The following SPECC1 variants were observed in gnomAD, a reference collection of about 807,000 sequenced individuals.
SPECC1 encodes the protein sperm antigen with calponin homology and coiled-coil domains 1.
In SPECC1, 62 loss-of-function variants were observed where a neutral mutation model predicts 104.1. The ratio of observed to expected loss-of-function variants is 0.60; its 90% CI spans 0.49 to 0.74. The LOEUF (loss-of-function observed/expected upper bound fraction) is 0.74. SPECC1 is among the 30% of genes least tolerant of loss of function. The pLI is 0.00. For synonymous variants in SPECC1, 513 were observed against 501.6 expected, an observed-to-expected ratio of 1.02 and a Z score of -0.30; for missense variants, 1,306 against 1,310.5, an observed-to-expected ratio of 1.00 and a Z score of 0.05.
chr17:20,164,249 C>T (rs922990957), intron 3 of SPECC1, among the ~76,000 whole-genome samples: 17 of 151,236 alleles, frequency 1.1e-4, no homozygotes, highest in African/African-American at 4.1e-4. Context: ...TGCTGGCCCA[C>T]TGCAGCCTTG....
At chr17:20,034,574 C>T (rs749343926) in intron 1 of SPECC1, among the ~76,000 whole-genome samples, 2 of 151,298 alleles carry the variant, frequency 1.3e-5, no homozygotes, top group Non-Finnish European at 2.9e-5. Flanking sequence ...TTCTTTACCT[C>T]GCCTTACATC....
intron 1 of SPECC1, among the ~76,000 whole-genome samples, chr17:20,018,477 A>G (rs2044236962): frequency 6.6e-6 from 1 of 152,186 alleles, no homozygotes; most frequent in Admixed American, 6.5e-5. Context: ...TGTAACTTTG[A>G]ACTTTTGGGC....
chr17:20,034,389 G>A (rs540452695), intron 1 of SPECC1, among the ~76,000 whole-genome samples: 3 of 152,072 alleles, frequency 2.0e-5, no homozygotes, highest in East Asian at 1.9e-4. Flanking sequence ...GAGCCACTGC[G>A]TCAGGTCTTT....
At position 20,240,019 on chromosome 17, in the gene SPECC1, G is replaced by A. The variant is rs868823468; in HGVS notation, c.2352-5907G>A. 2.6e-4 allele frequency among the ~76,000 whole-genome samples: 36 copies of A among 136,192 alleles called. 1 individual carries two copies. The highest frequency in any genetic ancestry group is 7.6e-4 in the Admixed American group (10 of 13,094). 89.3% of individuals were successfully genotyped at this position (136,192 alleles called of 152,430 possible). A position where few individuals can be genotyped will look rare whatever the true frequency, so the allele number is the denominator to read the frequency against. Reference sequence around the variant, plus strand: ...AGCAGTCCTCCCACCCCAGCCTCCTGAGTAGCTGGGACTACAGGGGCACAC... The same window carrying A: ...AGCAGTCCTCCCACCCCAGCCTCCTAAGTAGCTGGGACTACAGGGGCACAC... On this transcript the variant is annotated intron_variant, in intron 7 of 14. Coordinates refer to ENST00000395527, the MANE Select transcript of SPECC1 (RefSeq NM_001243439.2).
At chr17:20,051,251 C>G (rs1346316560) in intron 1 of SPECC1, among the ~76,000 whole-genome samples, 2 of 151,808 alleles carry the variant, frequency 1.3e-5, no homozygotes, top group South Asian at 4.2e-4. Flanking sequence ...TCTTGGCCCA[C>G]TGCAACCTCT....
intron 10 of SPECC1, among the ~76,000 whole-genome samples, chr17:20,255,938 C>T (rs991628628): frequency 6.6e-6 from 1 of 151,770 alleles, no homozygotes. Flanking sequence ...AGTGCAGTGG[C>T]GTGAGCTCGG....
chr17:20,160,804 C>G (rs1475666790), intron 3 of SPECC1, among the ~76,000 whole-genome samples: 2 of 152,156 alleles, frequency 1.3e-5, no homozygotes, highest in Non-Finnish European at 2.9e-5. Context: ...TCAAGCCTCT[C>G]TACTACTAAC....
At chr17:20,244,109 C>T (rs1442990631) in intron 7 of SPECC1, among the ~76,000 whole-genome samples, 2 of 152,032 alleles carry the variant, frequency 1.3e-5, no homozygotes, top group Non-Finnish European at 2.9e-5. Context: ...CCTGTAGTCC[C>T]AGCAAGCTAC....
chr17:20,136,011 TGAG>T (rs1038725886), intron 3 of SPECC1, among the ~76,000 whole-genome samples: 7 of 152,150 alleles, frequency 4.6e-5, no homozygotes, highest in African/African-American at 1.7e-4. Context: ...GAAAAATCAC[TGAG>T]AAGAAGCCAA....
chr17:20,311,311 C>T (rs1402223567), intron 14 of SPECC1, among the ~76,000 whole-genome samples: 3 of 152,104 alleles, frequency 2.0e-5, no homozygotes, highest in Admixed American at 1.3e-4. Flanking sequence ...GTCTCCCTTT[C>T]CAATCTGCGT....
chr17:20,310,014 G>T (rs1380025122), intron 14 of SPECC1, among the ~76,000 whole-genome samples: 1 of 151,556 alleles, frequency 6.6e-6, no homozygotes, highest in African/African-American at 2.4e-5. Context: ...TAGAAATGGG[G>T]TTTCATCATG....
At position 20,231,819 on chromosome 17, in the gene SPECC1, C is replaced by A; in HGVS notation, c.2133C>A (p.Thr711=). The A allele has an allele frequency of 6.2e-7, 1 of 1,614,018 alleles. No homozygotes were observed. The highest frequency in any genetic ancestry group is 1.1e-5 in the South Asian group (1 of 91,068). The change falls in exon 6 of 15, where the codon ACC becomes ACA. Residue 711 remains threonine (T), a synonymous_variant. Coordinates refer to ENST00000395527, the MANE Select transcript of SPECC1 (RefSeq NM_001243439.2). The part of the protein sequence containing the change: ...SDLERQLKTL[T]KQMKEETEEW... ...TGGAGAGGCAGCTGAAGACTCTGACCAAGCAGATGAAGGTGAGATGCGGGT... is the reference window on the plus strand; with the variant it reads ...TGGAGAGGCAGCTGAAGACTCTGACAAAGCAGATGAAGGTGAGATGCGGGT...
chr17:20,122,244 A>C (rs2049071075), intron 3 of SPECC1, among the ~76,000 whole-genome samples: 1 of 152,190 alleles, frequency 6.6e-6, no homozygotes, highest in Non-Finnish European at 1.5e-5. Context: ...CCACTGGGGA[A>C]CTTTTGCAAG....
At chr17:20,078,428 A>G (rs1433616514) in intron 1 of SPECC1, among the ~76,000 whole-genome samples, 2 of 152,140 alleles carry the variant, frequency 1.3e-5, no homozygotes, top group African/African-American at 4.8e-5. Flanking sequence ...TAAACATGCA[A>G]TGTTCAACCT....
chr17:20,096,803 G>T lies in SPECC1; in HGVS notation c.147+5G>T. 6.2e-7 allele frequency: 1 copy of T among 1,611,140 alleles called. No individual in the cohort carries two copies. The highest frequency in any genetic ancestry group is 1.1e-5 in the South Asian group (1 of 90,822). ...TTTGAGTCCCGACTCAGCAGGGTATGGATCAAAATGCACAGGGCCAGGCAG... is the reference window on the plus strand; with the variant it reads ...TTTGAGTCCCGACTCAGCAGGGTATTGATCAAAATGCACAGGGCCAGGCAG... On this transcript the variant is annotated splice_donor_5th_base_variant and intron_variant, in intron 2 of 14. Coordinates refer to ENST00000395527, the MANE Select transcript of SPECC1 (RefSeq NM_001243439.2).
intron 1 of SPECC1, chr17:20,017,613 A>G (rs1180368534): frequency 2.0e-5 from 3 of 152,278 alleles, no homozygotes; most frequent in African/African-American, 7.2e-5. Flanking sequence ...CAAGTAGGTA[A>G]CCATTGTTGT....
rs572032707 is a variant in SPECC1 at position 20,284,324 on chromosome 17, A to G, written c.2941-12637A>G. ...AGGGGCAGCCAAAGCTGCACATTTT[A>G]TGGAATGGGGCATCAGAAAGGAGGA... On this transcript the variant is annotated intron_variant, in intron 12 of 14. Transcript: ENST00000395527. Among the ~76,000 whole-genome samples the G allele has an allele frequency of 1.2e-3, 190 of 152,322 alleles. 1 individual carries two copies. In the South Asian group the frequency reaches 0.039, roughly 31 times the overall value.
At chr17:20,182,759 A>G (rs2034995378) in intron 3 of SPECC1, among the ~76,000 whole-genome samples, 2 of 152,204 alleles carry the variant, frequency 1.3e-5, no homozygotes. Context: ...GATAGAGGAA[A>G]GGGGTGAAGA....
intron 3 of SPECC1, among the ~76,000 whole-genome samples, chr17:20,131,218 T>G (rs6587219): frequency 0.57 from 87,046 of 152,064 alleles, 25,555 homozygotes; most frequent in Middle Eastern, 0.63. Flanking sequence ...TTGAGTCGTT[T>G]TCTTCCTCTG....
Sources: allele counts gnomAD v4.1 joint callset (sites outside exome capture counted in the v4.1 genomes callset), GRCh38; gene constraint gnomAD v4.1.1; transcripts MANE v1.5; gene names NCBI Gene and HGNC (gene_info 2026-07-23, HGNC 2026-07-21).